Variants in CNDP2 observed in about 807,000 individuals in gnomAD.
CNDP2 encodes the protein carnosine dipeptidase 2.
Under a neutral mutation model 55.0 loss-of-function variants are expected in CNDP2, and 38 were observed. The observed-to-expected ratio is 0.69, with a 90% CI of 0.53 to 0.90. The LOEUF is 0.90. Among genes scored for constraint, CNDP2 ranks in the 40% least tolerant of loss-of-function variants. The probability of loss-of-function intolerance (pLI) is 0.00; values close to 1 mark genes in which losing one functional copy is unlikely to be tolerated. For missense variants in CNDP2, 607 were observed against 621.7 expected (o/e 0.98, Z 0.25); for synonymous variants, 241 against 260.2 (o/e 0.93, Z 0.71).
chr18:74,519,914 G>A lies in CNDP2; in HGVS notation c.1359-85G>A, dbSNP rs1230181834. ...ATGCTCCCCAGGAAGAAGGCAGAGT[G>A]TGTCTGGGCTCGGGAGGAGTCACCC... On this transcript the variant is annotated intron_variant, in intron 11 of 11. Transcript: ENST00000324262. 5 of 1,217,640 alleles carry A rather than the reference G, an allele frequency of 4.1e-6. No homozygotes were observed. The African/African-American group carries it at 6.0e-5, about 15-fold the overall frequency. 75.4% of individuals were successfully genotyped at this position (1,217,640 alleles called of 1,614,324 possible). A position where few individuals can be genotyped will look rare whatever the true frequency, so the allele number is the denominator to read the frequency against.
At chr18:74,512,775 C>T (rs1160620197) in intron 7 of CNDP2, among the ~76,000 whole-genome samples, 1 of 152,186 alleles carries the variant, frequency 6.6e-6, no homozygotes, top group Non-Finnish European at 1.5e-5. Context: ...GCCCTGCCTC[C>T]AGCACCCAAC....
intron 9 of CNDP2, 192 bp downstream of exon 9, chr18:74,516,584 C>G: frequency 3.2e-6 from 2 of 630,640 alleles, no homozygotes; most frequent in East Asian, 6.0e-5. Flanking sequence ...TGTAAGTGAC[C>G]TTTGTTACTG....
chr18:74,508,924 G>T lies in CNDP2; in HGVS notation c.452G>T (p.Gly151Val), dbSNP rs143393947. ...GCCCTGGAAGCGTATCAGAAAACAG[G>T]CCAGGTATGCCCCCCACGCTGACTT... Reference protein sequence around the residue: ...INALEAYQKTGQEIPVNVRFC... With the variant: ...INALEAYQKTVQEIPVNVRFC... Residue 151 changes from glycine (G) to valine (V), a missense_variant, in exon 5 of 12, where the codon GGC becomes GTC. Transcript: ENST00000324262. 3.3e-4 allele frequency: 529 copies of T among 1,613,790 alleles called. No homozygotes were observed. The highest frequency in any genetic ancestry group is 4.3e-4 in the Non-Finnish European group (513 of 1,179,838).
At chr18:74,507,671 C>G (rs1285881412) in intron 4 of CNDP2, 2 of 152,972 alleles carry the variant, frequency 1.3e-5, no homozygotes, top group East Asian at 3.8e-4. Context: ...ACCGCTGCCT[C>G]GTCCTCTGTG....
Position 74,505,957 on chromosome 18 carries a change from G to A in CNDP2, c.313G>A (p.Ala105Thr). 2 of 1,611,802 alleles carry A rather than the reference G, an allele frequency of 1.2e-6. No individual in the cohort carries two copies. The highest frequency in any genetic ancestry group is 8.5e-7 in the Non-Finnish European group (1 of 1,179,378). Residue 105 changes from alanine to threonine, a missense_variant, in exon 4 of 12, where the codon GCA becomes ACA. Physicochemically the swap from Ala to Thr is moderately conservative, Grantham distance 58 (BLOSUM62 0). Coordinates refer to ENST00000324262, the MANE Select transcript of CNDP2 (RefSeq NM_018235.3). ...CIYGHLDVQP[A>T]ALEDGWDSEP... ...TTACGGGCACCTGGATGTGCAGCCT[G>A]CAGCCCTGGAGGACGGCTGGGACAG...
At chr18:74,510,385 G>A (rs1336825434) in intron 5 of CNDP2, among the ~76,000 whole-genome samples, 1 of 152,226 alleles carries the variant, frequency 6.6e-6, no homozygotes, top group African/African-American at 2.4e-5. Flanking sequence ...CACACGGCAA[G>A]GTGGGCACAT....
chr18:74,518,872 C>A lies in CNDP2; in HGVS notation c.1211-77C>A. The stretch of plus-strand genomic sequence containing the variant: ...TTGCACAGCATCTGACTGAGTGCTA[C>A]TGAGTAGTGGTCTGAGACAGATCCC... On this transcript the variant is annotated intron_variant, in intron 10 of 11. Transcript: ENST00000324262. The A allele has an allele frequency of 1.9e-6, 3 of 1,589,492 alleles. No individual in the cohort carries two copies. In the South Asian group the frequency reaches 3.4e-5, roughly 18 times the overall value.
chr18:74,521,154 G>T lies in CNDP2; in HGVS notation c.*1086G>T, dbSNP rs577329206. On this transcript the variant is annotated 3_prime_UTR_variant, in exon 12 of 12. Transcript: ENST00000324262. ...TCGCTCCATCTCAGTTGCTCGTCGCGTGCACACCATGCTTATTGAGTGGTG... is the reference window on the plus strand; with the variant it reads ...TCGCTCCATCTCAGTTGCTCGTCGCTTGCACACCATGCTTATTGAGTGGTG... 1 of 152,202 alleles carries T rather than the reference G, an allele frequency of 6.6e-6. No homozygotes were observed. 9.4% of individuals were successfully genotyped at this position (152,202 alleles called of 1,614,324 possible). A position where few individuals can be genotyped will look rare whatever the true frequency, so the allele number is the denominator to read the frequency against.
rs1169245546 is a variant in CNDP2, at chr18:74,521,417, T to C, written c.*1349T>C. The stretch of plus-strand genomic sequence containing the variant: ...GCCCACTTGACATAAAAGAACAGAG[T>C]AAACTCAATGAAAGGAAAAGGCTCC... On this transcript the variant is annotated 3_prime_UTR_variant, in exon 12 of 12. Transcript: ENST00000324262. 3 of 152,128 alleles carry C rather than the reference T, an allele frequency of 2.0e-5. No individual in the cohort carries two copies. The highest frequency in any genetic ancestry group is 7.2e-5 in the African/African-American group (3 of 41,416). The allele number at this position is 152,128 out of a possible 1,614,324, so 9.4% of individuals were successfully genotyped here.
intron 5 of CNDP2, among the ~76,000 whole-genome samples, chr18:74,510,207 G>T (rs1270296761): frequency 6.6e-6 from 1 of 152,232 alleles, no homozygotes; most frequent in Non-Finnish European, 1.5e-5. Flanking sequence ...GGCAGCCTGG[G>T]TGGTCGTGAA....
intron 9 of CNDP2, chr18:74,517,767 A>C (rs79588181): frequency 6.6e-6 from 1 of 151,884 alleles, no homozygotes; most frequent in African/African-American, 2.4e-5. Flanking sequence ...TAAGTCCCCA[A>C]GTGTAGTCAT....
At position 74,501,485 on chromosome 18, in the gene CNDP2, A is replaced by G; in HGVS notation, c.204+13A>G. 1 of 1,611,310 alleles carries G rather than the reference A, an allele frequency of 6.2e-7. No homozygotes were observed. On this transcript the variant is annotated intron_variant, in intron 3 of 11. Coordinates refer to ENST00000324262, the MANE Select transcript of CNDP2 (RefSeq NM_018235.3). ...CGGAAAACAAAAGGTAGGAGGCAAC[A>G]TTCTTTGCATTGCAGGACCGTAGAC... is the stretch of plus-strand genomic sequence containing the variant.
intron 2 of CNDP2, 45 bp from the exon 3 acceptor site, chr18:74,501,284 A>G (rs1978680200): frequency 6.3e-7 from 1 of 1,591,582 alleles, no homozygotes; most frequent in East Asian, 2.2e-5. Flanking sequence ...TTCTCCCTCA[A>G]GGACACCTTT....
intron 4 of CNDP2, chr18:74,508,153 C>G (rs1261267986): frequency 6.6e-6 from 1 of 152,294 alleles, no homozygotes; most frequent in Non-Finnish European, 1.5e-5. Context: ...GCTCCCTCCT[C>G]TGGTTCCATG....
chr18:74,497,101 A>C (rs975952961), intron 1 of CNDP2, among the ~76,000 whole-genome samples: 1 of 152,124 alleles, frequency 6.6e-6, no homozygotes, highest in Non-Finnish European at 1.5e-5. Context: ...TTTGGTCCTC[A>C]CAGACAGGGC....
At position 74,520,155 on chromosome 18, in the gene CNDP2, C is replaced by A; in HGVS notation, c.*87C>A. On this transcript the variant is annotated 3_prime_UTR_variant, in exon 12 of 12. Coordinates refer to ENST00000324262, the MANE Select transcript of CNDP2 (RefSeq NM_018235.3). ...CAACTTGCCCAGGGAAGTGGAGGTTCCCTCTTTCCTTTCCCTCTTGTCAGG... is the reference window on the plus strand; with the variant it reads ...CAACTTGCCCAGGGAAGTGGAGGTTACCTCTTTCCTTTCCCTCTTGTCAGG... 7.9e-7 allele frequency: 1 copy of A among 1,271,250 alleles called. No homozygotes were observed. The highest frequency in any genetic ancestry group is 1.2e-5 in the South Asian group (1 of 80,522). The allele number at this position is 1,271,250 out of a possible 1,614,324, so 78.7% of individuals were successfully genotyped here. A position where few individuals can be genotyped will look rare whatever the true frequency, so the allele number is the denominator to read the frequency against.
Position 74,514,963 on chromosome 18 carries a change from C to T in CNDP2, c.903+1244C>T, listed in dbSNP as rs541352508. Among the ~76,000 whole-genome samples the T allele has an allele frequency of 2.2e-4, 34 of 152,256 alleles. 1 individual carries two copies. In the South Asian group the frequency reaches 3.3e-3, roughly 15 times the overall value. On this transcript the variant is annotated intron_variant, in intron 8 of 11. Coordinates refer to ENST00000324262, the MANE Select transcript of CNDP2 (RefSeq NM_018235.3). ...CAGTACCAAAGGCTGTGGGCCTGCA[C>T]GAGGGGAGGGTCATGGTGCTGGGAG... is the stretch of plus-strand genomic sequence containing the variant.
intron 2 of CNDP2, among the ~76,000 whole-genome samples, chr18:74,500,790 C>T (rs1978647543): frequency 6.6e-6 from 1 of 152,222 alleles, no homozygotes; most frequent in Non-Finnish European, 1.5e-5. Flanking sequence ...TGCACAATTT[C>T]TGTCCCTTTT....
chr18:74,508,715 T>C (rs1979170706), intron 4 of CNDP2, 125 bp from the exon 5 acceptor site: 2 of 708,276 alleles, frequency 2.8e-6, no homozygotes, highest in Non-Finnish European at 4.9e-6. Flanking sequence ...TGGGGGCTCC[T>C]GATCGGAAGG....
Sources: gnomAD v4.1 joint callset for allele counts (sites outside exome capture counted in the v4.1 genomes callset) on GRCh38, gnomAD v4.1.1 for gene constraint, MANE v1.5 for transcripts, NCBI Gene and HGNC (gene_info 2026-07-23, HGNC 2026-07-21) for gene names.